Variants in PPP6R3 observed in about 807,000 individuals in gnomAD.
PPP6R3 encodes the protein protein phosphatase 6 regulatory subunit 3.
PPP6R3 carries 38 observed loss-of-function variants against 110.7 expected under a neutral mutation model. That is an observed-to-expected ratio of 0.34 (90% CI 0.26 to 0.45). The LOEUF (loss-of-function observed/expected upper bound fraction) is 0.45, where lower values mean the gene tolerates loss of function less well. Among genes scored for constraint, PPP6R3 ranks in the 20% least tolerant of loss-of-function variants. The probability of loss-of-function intolerance (pLI) is 1.00; values close to 1 mark genes in which losing one functional copy is unlikely to be tolerated. For synonymous variants in PPP6R3, 369 were observed against 373.5 expected, an observed-to-expected ratio of 0.99 and a Z score of 0.14; for missense variants, 870 against 1,062.4, an observed-to-expected ratio of 0.82 and a Z score of 2.52.
chr11:68,569,716 A>G (rs1454472003), intron 10 of PPP6R3, 32 bp from the exon 11 acceptor site: 2 of 1,519,552 alleles, frequency 1.3e-6, no homozygotes, highest in Non-Finnish European at 1.8e-6. Context: ...CATTGAGGTA[A>G]CCGAATAAAA....
At chr11:68,491,374 G>GTGTT (rs1555046368) in intron 1 of PPP6R3, among the ~76,000 whole-genome samples, 2 of 143,778 alleles carry the variant, frequency 1.4e-5, no homozygotes, top group African/African-American at 5.3e-5. Flanking sequence ...GTGTGTGTGT[G>GTGTT]TGTGTTTGAG....
In PPP6R3 at chr11:68,558,641, C is replaced by G. The variant is rs1055142323; in HGVS notation, c.807C>G (p.Ile269Met). 6.2e-6 allele frequency: 10 copies of G among 1,612,702 alleles called. No individual in the cohort carries two copies. The African/African-American group carries it at 1.3e-4, about 22-fold the overall frequency. ...EKNESAIVSAIQILLTLLETR... is the reference protein window; with the variant it reads ...EKNESAIVSAMQILLTLLETR... ...ATGAGTCAGCCATAGTCAGTGCAAT[C>G]CAGATATTGCTGACTTTACTTGAGA... Residue 269 changes from isoleucine (I) to methionine (M), a missense_variant, in exon 8 of 24, where the codon ATC becomes ATG. By Grantham distance (10) the Ile-to-Met change is conservative. Coordinates refer to ENST00000393800, the MANE Select transcript of PPP6R3 (RefSeq NM_001164161.2).
intron 15 of PPP6R3, among the ~76,000 whole-genome samples, chr11:68,585,290 G>T (rs979818312): frequency 6.6e-6 from 1 of 152,196 alleles, no homozygotes; most frequent in African/African-American, 2.4e-5. Context: ...CCGCATATGG[G>T]CTCTGAAACA....
intron 1 of PPP6R3, among the ~76,000 whole-genome samples, chr11:68,496,178 TTTTC>T (rs1287428756): frequency 2.9e-5 from 4 of 140,336 alleles, no homozygotes; most frequent in African/African-American, 1.0e-4. Context: ...TTTTCTTTTC[TTTTC>T]TTTTTTTTTT....
At position 68,613,998 on chromosome 11, in the gene PPP6R3, A is replaced by G. The variant is rs1217797122; in HGVS notation, c.*881A>G. 2 of 985,258 alleles carry G rather than the reference A, an allele frequency of 2.0e-6. No individual in the cohort carries two copies. 61.0% of individuals were successfully genotyped at this position (985,258 alleles called of 1,614,324 possible). ...CCATTCACCAAAATTTACCTTGTTA[A>G]CAAGCATCACCAATGAACATTTCAG... On this transcript the variant is annotated 3_prime_UTR_variant, in exon 24 of 24. Transcript: ENST00000393800.
chr11:68,488,144 A>T (rs529587134), intron 1 of PPP6R3, among the ~76,000 whole-genome samples: 57 of 152,196 alleles, frequency 3.7e-4, no homozygotes, highest in Non-Finnish European at 6.5e-4. Context: ...TTTTCTTGTT[A>T]TGAAGCCTGC....
intron 22 of PPP6R3, among the ~76,000 whole-genome samples, chr11:68,606,896 A>G (rs1940407627): frequency 6.6e-6 from 1 of 152,216 alleles, no homozygotes; most frequent in African/African-American, 2.4e-5. Flanking sequence ...CAGTAAAGCT[A>G]TTGAGTAAGA....
At chr11:68,466,282 A>C (rs2098744660) in intron 1 of PPP6R3, among the ~76,000 whole-genome samples, 2 of 152,286 alleles carry the variant, frequency 1.3e-5, no homozygotes, top group South Asian at 4.2e-4. Context: ...GTTGCTAGTT[A>C]GATCAATACT....
At chr11:68,468,020 C>T (rs902999691) in intron 1 of PPP6R3, among the ~76,000 whole-genome samples, 11 of 152,126 alleles carry the variant, frequency 7.2e-5, no homozygotes, top group Admixed American at 3.9e-4. Context: ...GTGATCCGCC[C>T]GTCTTGGCCT....
At chr11:68,473,569 A>G (rs929693278) in intron 1 of PPP6R3, among the ~76,000 whole-genome samples, 11 of 152,238 alleles carry the variant, frequency 7.2e-5, no homozygotes, top group African/African-American at 2.7e-4. Flanking sequence ...GGGGAAGCAC[A>G]GGTAAAACAA....
chr11:68,613,554 G>T lies in PPP6R3; in HGVS notation c.*437G>T, dbSNP rs1944517961. 1.0e-6 allele frequency: 1 copy of T among 986,204 alleles called. No homozygotes were observed. 61.1% of individuals were successfully genotyped at this position (986,204 alleles called of 1,614,324 possible). A position where few individuals can be genotyped will look rare whatever the true frequency, so the allele number is the denominator to read the frequency against. On this transcript the variant is annotated 3_prime_UTR_variant, in exon 24 of 24. Coordinates refer to ENST00000393800, the MANE Select transcript of PPP6R3 (RefSeq NM_001164161.2). ...CATTTTTCACCTTGTACAAAATTAT[G>T]AATTCATTTTTCCTCCAGGCCGACA... is the stretch of plus-strand genomic sequence containing the variant.
intron 22 of PPP6R3, among the ~76,000 whole-genome samples, chr11:68,607,494 AC>A (rs1940826213): frequency 6.6e-6 from 1 of 152,242 alleles, no homozygotes; most frequent in Non-Finnish European, 1.5e-5. Context: ...CCTGCTCTCT[AC>A]ACTCTCCATG....
chr11:68,491,593 TC>T (rs1237420770), intron 1 of PPP6R3, among the ~76,000 whole-genome samples: 3 of 152,026 alleles, frequency 2.0e-5, no homozygotes, highest in Non-Finnish European at 4.4e-5. Context: ...CAAGCAGTCC[TC>T]CTACTTCAGC....
At chr11:68,543,281 C>A (rs1210430502) in intron 3 of PPP6R3, among the ~76,000 whole-genome samples, 1 of 152,176 alleles carries the variant, frequency 6.6e-6, no homozygotes, top group African/African-American at 2.4e-5. Context: ...ACCGCTGCAT[C>A]AGCCCACTCC....
chr11:68,599,908 G>A (rs1341999163), intron 19 of PPP6R3, among the ~76,000 whole-genome samples: 1 of 152,166 alleles, frequency 6.6e-6, no homozygotes, highest in Non-Finnish European at 1.5e-5. Context: ...CGGTTCACGA[G>A]GTCGGGATAT....
intron 3 of PPP6R3, among the ~76,000 whole-genome samples, chr11:68,540,468 G>C (rs1402051510): frequency 6.6e-6 from 1 of 152,188 alleles, no homozygotes. Context: ...GGCAAGTGGA[G>C]GCAGGGCGAG....
rs1555132287 is a variant in PPP6R3, at chr11:68,542,389, G to GTTTTTTTTTGTT, written c.228-2440_228-2439insGTTTTTTTTTTT. Among the ~76,000 whole-genome samples the GTTTTTTTTTGTT allele has an allele frequency of 5.1e-3, 207 of 40,222 alleles. 44 individuals carry two copies. Among genetic ancestry groups the GTTTTTTTTTGTT allele is most frequent in the Non-Finnish European group, 7.6e-3 (185 of 24,226 alleles). 26.4% of individuals were successfully genotyped at this position (40,222 alleles called of 152,430 possible). On this transcript the variant is annotated intron_variant, in intron 3 of 23. Transcript: ENST00000393800. Reference sequence around the variant, plus strand: ...ATCTTTGGGTGCTTGAGAAGCTGCTGTTTTTTTTTTTTTTTTTTTTTTAAG... The same window carrying GTTTTTTTTTGTT: ...ATCTTTGGGTGCTTGAGAAGCTGCTGTTTTTTTTTGTTTTTTTTTTTTTTTTTTTTTTTTAAG...
intron 1 of PPP6R3, among the ~76,000 whole-genome samples, chr11:68,466,529 C>T (rs2098747325): frequency 6.6e-6 from 1 of 151,416 alleles, no homozygotes; most frequent in African/African-American, 2.4e-5. Flanking sequence ...AGCTCTGCCT[C>T]CCGGGTTCAC....
intron 3 of PPP6R3, among the ~76,000 whole-genome samples, chr11:68,543,998 C>G (rs1372099247): frequency 6.6e-6 from 1 of 152,190 alleles, no homozygotes; most frequent in Admixed American, 6.5e-5. Flanking sequence ...AGCCGTGGGC[C>G]TTCTACAGGA....
Sources: allele counts gnomAD v4.1 joint callset (sites outside exome capture counted in the v4.1 genomes callset), GRCh38; gene constraint gnomAD v4.1.1; transcripts MANE v1.5; gene names NCBI Gene and HGNC (gene_info 2026-07-23, HGNC 2026-07-21).